The following RGS6 variants were observed in gnomAD, a reference collection of about 807,000 sequenced individuals.
RGS6 encodes regulator of G protein signaling 6.
A neutral mutation model predicts 78.5 loss-of-function variants in RGS6; 30 were observed. The observed-to-expected ratio is 0.38, with a 90% CI of 0.29 to 0.52. The LOEUF (loss-of-function observed/expected upper bound fraction) is 0.52, where lower values mean the gene tolerates loss of function less well. RGS6 is among the 20% of genes least tolerant of loss of function. The pLI is 0.85. For missense variants in RGS6, 495 were observed against 609.7 expected (o/e 0.81, Z 1.98); for synonymous variants, 206 against 206.0 (o/e 1.00, Z 0.00).
intron 1 of RGS6, among the ~76,000 whole-genome samples, chr14:71,942,949 A>G (rs2152963729): frequency 6.6e-6 from 1 of 152,338 alleles, no homozygotes; most frequent in Admixed American, 6.5e-5. Flanking sequence ...TTAAACTATC[A>G]AAGAGAAAGC....
intron 3 of RGS6, among the ~76,000 whole-genome samples, chr14:72,410,103 G>A (rs543630385): frequency 6.6e-6 from 1 of 152,178 alleles, no homozygotes; most frequent in Non-Finnish European, 1.5e-5. Flanking sequence ...TGGGTCAAAT[G>A]GTATTTCTAG....
intron 2 of RGS6, among the ~76,000 whole-genome samples, chr14:72,196,553 G>A (rs946107644): frequency 3.3e-5 from 5 of 152,130 alleles, no homozygotes; most frequent in South Asian, 2.1e-4. Context: ...CTTGACATCC[G>A]ATTTTCTCCT....
chr14:71,931,153 G>A (rs1178764535), upstream of RGS6, among the ~76,000 whole-genome samples: 1 of 152,136 alleles, frequency 6.6e-6, no homozygotes, highest in African/African-American at 2.4e-5. Flanking sequence ...AGGAAAGAAA[G>A]ATTTTATATT....
intron 3 of RGS6, among the ~76,000 whole-genome samples, chr14:72,386,365 C>G (rs2088004788): frequency 6.6e-6 from 1 of 152,086 alleles, no homozygotes; most frequent in South Asian, 2.1e-4. Flanking sequence ...CGGTGAAACC[C>G]TCTCTCTACT....
intron 2 of RGS6, among the ~76,000 whole-genome samples, chr14:72,050,923 C>CTG (rs61200605): frequency 0.013 from 2,049 of 152,216 alleles, 50 homozygotes; most frequent in African/African-American, 0.046. Flanking sequence ...TGAGGGGCGA[C>CTG]TGGATTGTTT....
chr14:72,024,563 G>A (rs999613666), intron 2 of RGS6, among the ~76,000 whole-genome samples: 5 of 152,104 alleles, frequency 3.3e-5, no homozygotes, highest in African/African-American at 1.2e-4. Context: ...TGCACTCACG[G>A]GTTGAAAAAC....
At chr14:72,430,351 C>T (rs1307447010) in intron 3 of RGS6, among the ~76,000 whole-genome samples, 2 of 152,214 alleles carry the variant, frequency 1.3e-5, no homozygotes, top group South Asian at 2.1e-4. Flanking sequence ...CTTCACCTCA[C>T]TTCCAGTTTC....
intron 2 of RGS6, among the ~76,000 whole-genome samples, chr14:72,219,631 A>G (rs2046390217): frequency 6.6e-6 from 1 of 152,122 alleles, no homozygotes; most frequent in Non-Finnish European, 1.5e-5. Context: ...ACTTTGTTAT[A>G]TGTTATGTAA....
At chr14:72,275,463 A>T (rs1214744295) in intron 2 of RGS6, among the ~76,000 whole-genome samples, 1 of 152,230 alleles carries the variant, frequency 6.6e-6, no homozygotes, top group Non-Finnish European at 1.5e-5. Flanking sequence ...TTCATGGGCC[A>T]TTGGTTTCAC....
At chr14:72,382,796 T>C (rs2086547038) in intron 3 of RGS6, among the ~76,000 whole-genome samples, 1 of 152,150 alleles carries the variant, frequency 6.6e-6, no homozygotes, top group Non-Finnish European at 1.5e-5. Flanking sequence ...TCAAAAACAA[T>C]ATTCCTGAGA....
chr14:72,034,720 G>GAA (rs1255164131), intron 2 of RGS6, among the ~76,000 whole-genome samples: 1 of 152,110 alleles, frequency 6.6e-6, no homozygotes, highest in Admixed American at 6.6e-5. Flanking sequence ...TTTTTTGTAA[G>GAA]AGTTTGAGAA....
At chr14:72,600,141 G>A in the RGS6 span, among the ~76,000 whole-genome samples, 2 of 151,822 alleles carry the variant, frequency 1.3e-5, no homozygotes, top group African/African-American at 4.8e-5. Flanking sequence ...CACACAGAGA[G>A]AGTCAACTTG....
Position 71,985,820 on chromosome 14 carries a change from G to A in RGS6, c.84+20945G>A, listed in dbSNP as rs78568930. Among the ~76,000 whole-genome samples, 589 of 152,230 alleles carry A rather than the reference G, an allele frequency of 3.9e-3. 1 individual carries two copies. Among genetic ancestry groups the A allele is most frequent in the South Asian group, 9.9e-3 (48 of 4,828 alleles). On this transcript the variant is annotated intron_variant, in intron 2 of 17. Coordinates refer to ENST00000553525, the MANE Select transcript of RGS6 (RefSeq NM_001204424.2). Reference sequence around the variant, plus strand: ...GACTTGGAACCCTTCCAAGACATTTGCTATTTTATTCTCTATTTGTTTTTC... The same window carrying A: ...GACTTGGAACCCTTCCAAGACATTTACTATTTTATTCTCTATTTGTTTTTC...
chr14:72,264,090 A>G (rs902839081), intron 2 of RGS6, among the ~76,000 whole-genome samples: 1 of 152,230 alleles, frequency 6.6e-6, no homozygotes, highest in Non-Finnish European at 1.5e-5. Flanking sequence ...AAAGAAAATC[A>G]ATAGTAGCCT....
At chr14:71,984,752 A>G (rs1331757792) in intron 2 of RGS6, among the ~76,000 whole-genome samples, 2 of 152,206 alleles carry the variant, frequency 1.3e-5, no homozygotes, top group African/African-American at 4.8e-5. Flanking sequence ...GGAGACCTTG[A>G]AGTAAGAAAA....
intron 2 of RGS6, among the ~76,000 whole-genome samples, chr14:72,269,566 A>AG (rs2059607344): frequency 4.7e-5 from 1 of 21,308 alleles, no homozygotes; most frequent in Non-Finnish European, 9.7e-5. Context: ...ACCTATCTTA[A>AG]ATTTTTTTTT....
At chr14:72,169,762 CCAAT>C (rs2096984185) in intron 2 of RGS6, among the ~76,000 whole-genome samples, 1 of 152,128 alleles carries the variant, frequency 6.6e-6, no homozygotes, top group Admixed American at 6.5e-5. Flanking sequence ...ATATTCTTGT[CCAAT>C]CATCTACTCT....
chr14:72,302,979 G>T (rs2066438219), intron 2 of RGS6, among the ~76,000 whole-genome samples: 1 of 152,220 alleles, frequency 6.6e-6, no homozygotes, highest in Non-Finnish European at 1.5e-5. Context: ...CTGCCGCCAT[G>T]TAAGACATGC....
At chr14:72,097,661 C>T (rs142448999) in intron 2 of RGS6, among the ~76,000 whole-genome samples, 117 of 152,288 alleles carry the variant, frequency 7.7e-4, no homozygotes, top group Middle Eastern at 3.4e-3. Context: ...GCTGCTGCTA[C>T]CTGGAACACC....
Sources: gnomAD v4.1 joint callset for allele counts (sites outside exome capture counted in the v4.1 genomes callset) on GRCh38, gnomAD v4.1.1 for gene constraint, MANE v1.5 for transcripts, NCBI Gene and HGNC (gene_info 2026-07-23, HGNC 2026-07-21) for gene names.